ANKS1B: variants seen among roughly 807,000 people sequenced by gnomAD.
ANKS1B encodes the protein ankyrin repeat and sterile alpha motif domain-containing protein 1B.
A neutral mutation model predicts 148.3 loss-of-function variants in ANKS1B; 36 were observed. That is an observed-to-expected ratio of 0.24 (90% confidence interval 0.19 to 0.32). The LOEUF (loss-of-function observed/expected upper bound fraction) is 0.32, where lower values mean the gene tolerates loss of function less well. Ranked by LOEUF, ANKS1B falls within the 10% of genes least tolerant of loss-of-function variation. The pLI is 1.00. For missense variants in ANKS1B, 1,157 were observed against 1,542.6 expected (o/e 0.75, Z 4.19); for synonymous variants, 542 against 560.8 (o/e 0.97, Z 0.47).
intron 8 of ANKS1B, among the ~76,000 whole-genome samples, chr12:99,731,841 T>C (rs2059192363): frequency 6.6e-6 from 1 of 152,170 alleles, no homozygotes; most frequent in Non-Finnish European, 1.5e-5. Flanking sequence ...TTAAAGTTTG[T>C]CCTTTAAAAG....
intron 17 of ANKS1B, among the ~76,000 whole-genome samples, chr12:98,985,468 A>G (rs1450734714): frequency 1.3e-5 from 2 of 151,226 alleles, no homozygotes; most frequent in Non-Finnish European, 2.9e-5. Context: ...GCGTTTTTTG[A>G]TAAGTATTTT....
intron 4 of ANKS1B, among the ~76,000 whole-genome samples, chr12:99,787,710 T>C (rs1376578194): frequency 6.6e-6 from 1 of 152,192 alleles, no homozygotes; most frequent in Non-Finnish European, 1.5e-5. Flanking sequence ...ACTGCTGAAA[T>C]AGACACTGAG....
intron 9 of ANKS1B, among the ~76,000 whole-genome samples, chr12:99,607,242 A>G (rs531174274): frequency 6.6e-6 from 1 of 152,212 alleles, no homozygotes; most frequent in African/African-American, 2.4e-5. Flanking sequence ...AACTAAATAC[A>G]TAGGCTCACA....
At chr12:99,021,563 C>G (rs774690619) in intron 17 of ANKS1B, among the ~76,000 whole-genome samples, 1 of 152,036 alleles carries the variant, frequency 6.6e-6, no homozygotes, top group African/African-American at 2.4e-5. Flanking sequence ...GCAGTTACAT[C>G]ATAGGCACCA....
chr12:99,399,159 C>T (rs1298314120), intron 12 of ANKS1B, among the ~76,000 whole-genome samples: 3 of 151,972 alleles, frequency 2.0e-5, no homozygotes, highest in Non-Finnish European at 4.4e-5. Context: ...TTAATCTTAC[C>T]CTCACACCCA....
chr12:99,935,223 C>T (rs1372765355), intron 1 of ANKS1B, among the ~76,000 whole-genome samples: 2 of 151,766 alleles, frequency 1.3e-5, no homozygotes, highest in Non-Finnish European at 2.9e-5. Context: ...AGATATATAA[C>T]AAAAATCATT....
intron 8 of ANKS1B, among the ~76,000 whole-genome samples, chr12:99,744,529 T>C (rs1024305753): frequency 7.9e-5 from 12 of 152,198 alleles, no homozygotes; most frequent in Admixed American, 6.5e-5. Context: ...ATCAAGCAAA[T>C]ATAACACTAC....
At chr12:99,519,497 T>C (rs946471386) in intron 9 of ANKS1B, among the ~76,000 whole-genome samples, 2 of 152,162 alleles carry the variant, frequency 1.3e-5, no homozygotes, top group African/African-American at 2.4e-5. Context: ...ACTTGTCTTA[T>C]AGTTTTTGTC....
chr12:98,904,409 A>C (rs543913054), intron 17 of ANKS1B, among the ~76,000 whole-genome samples: 6 of 152,366 alleles, frequency 3.9e-5, no homozygotes, highest in Admixed American at 3.3e-4. Context: ...ACTTCCAAGG[A>C]CACATGATAG....
intron 9 of ANKS1B, among the ~76,000 whole-genome samples, chr12:99,526,546 G>C (rs1173355907): frequency 1.3e-5 from 2 of 152,166 alleles, no homozygotes; most frequent in East Asian, 3.8e-4. Flanking sequence ...AAACTAATCA[G>C]ATCTCACCAA....
At chr12:99,039,020 C>T (rs10745838) in intron 17 of ANKS1B, among the ~76,000 whole-genome samples, 72,997 of 152,160 alleles carry the variant, frequency 0.48, 20,141 homozygotes, top group East Asian at 0.7. Context: ...AGCAGGAGCT[C>T]TGTTGGTTTT....
chr12:98,819,153 T>C (rs1391216408), intron 19 of ANKS1B, among the ~76,000 whole-genome samples: 1 of 152,228 alleles, frequency 6.6e-6, no homozygotes, highest in Non-Finnish European at 1.5e-5. Context: ...AGAAAGGTCT[T>C]GATAGACTAG....
chr12:99,731,383 C>T (rs538311255), intron 8 of ANKS1B, among the ~76,000 whole-genome samples: 2 of 150,774 alleles, frequency 1.3e-5, no homozygotes, highest in African/African-American at 2.4e-5. Flanking sequence ...CCTCCCAAAG[C>T]GCTGGGATTA....
chr12:99,929,278 G>T (rs946135666), intron 1 of ANKS1B, among the ~76,000 whole-genome samples: 3 of 152,076 alleles, frequency 2.0e-5, no homozygotes, highest in African/African-American at 7.2e-5. Flanking sequence ...TGTGTTTTTT[G>T]GCTGCATAAA....
At chr12:98,997,404 ATTTT>A (rs34655015) in intron 17 of ANKS1B, among the ~76,000 whole-genome samples, 2 of 138,300 alleles carry the variant, frequency 1.4e-5, no homozygotes, top group African/African-American at 2.7e-5. Flanking sequence ...AGTGTTTGCA[ATTTT>A]TTTTTTTTTT....
chr12:99,597,735 C>T (rs956176238), intron 9 of ANKS1B, among the ~76,000 whole-genome samples: 1 of 151,802 alleles, frequency 6.6e-6, no homozygotes, highest in African/African-American at 2.4e-5. Context: ...AATAAAAATA[C>T]CAAAAATATC....
In ANKS1B at chr12:99,921,817, T is replaced by C. The variant is rs187676027; in HGVS notation, c.134+62287A>G. 1.8e-3 allele frequency among the ~76,000 whole-genome samples: 271 copies of C among 152,296 alleles called. 1 individual carries two copies. Among genetic ancestry groups the C allele is most frequent in the African/African-American group, 6.0e-3 (248 of 41,562 alleles). On this transcript the variant is annotated intron_variant, in intron 1 of 26. Transcript: ENST00000683438. ...ATTTTGCTTCTATGAAAATCTCCTG[T>C]ATAAATTTTCAAGGAAAAATTAGTA...
At chr12:99,573,916 A>G (rs2097489203) in intron 9 of ANKS1B, among the ~76,000 whole-genome samples, 1 of 151,756 alleles carries the variant, frequency 6.6e-6, no homozygotes, top group Admixed American at 6.6e-5. Flanking sequence ...AATTTTTTTT[A>G]ATTTCTCTTT....
At chr12:99,246,009 C>T (rs2073829602) in intron 13 of ANKS1B, among the ~76,000 whole-genome samples, 1 of 152,078 alleles carries the variant, frequency 6.6e-6, no homozygotes, top group Non-Finnish European at 1.5e-5. Flanking sequence ...TGAATATTCT[C>T]TTGTACCTCA....
Sources: allele counts gnomAD v4.1 joint callset (sites outside exome capture counted in the v4.1 genomes callset), GRCh38; gene constraint gnomAD v4.1.1; transcripts MANE v1.5; gene names NCBI Gene and HGNC (gene_info 2026-07-23, HGNC 2026-07-21).